Variants in SPO11 observed in about 807,000 individuals in gnomAD.
The protein encoded by SPO11 is meiotic recombination protein SPO11.
SPO11 carries 49 observed loss-of-function variants against 51.6 expected under a neutral mutation model. The ratio of observed to expected loss-of-function variants is 0.95; its 90% CI spans 0.75 to 1.20. The LOEUF (loss-of-function observed/expected upper bound fraction) is 1.20, where lower values mean the gene tolerates loss of function less well. SPO11 is among the 50% of genes most tolerant of loss of function. The pLI, the probability that SPO11 is intolerant of heterozygous loss-of-function variation, is 0.00. For missense variants in SPO11, 431 were observed against 473.4 expected, an observed-to-expected ratio of 0.91 and a Z score of 0.83; for synonymous variants, 176 against 158.2, an observed-to-expected ratio of 1.11 and a Z score of -0.84.
intron 12 of SPO11, 122 bp downstream of exon 12, chr20:57,342,962 G>A: frequency 1.4e-6 from 1 of 698,110 alleles, no homozygotes. Context: ...ACTAACATAA[G>A]TGTTGTTTGG....
At position 57,339,168 on chromosome 20, in the gene SPO11, G is replaced by C; in HGVS notation, c.882+142G>C. 1.3e-5 allele frequency: 6 copies of C among 477,040 alleles called. No homozygotes were observed. The South Asian group carries it at 2.0e-4, about 16-fold the overall frequency. The allele number at this position is 477,040 out of a possible 1,614,324, so 29.6% of individuals were successfully genotyped here. A position where few individuals can be genotyped will look rare whatever the true frequency, so the allele number is the denominator to read the frequency against. On this transcript the variant is annotated intron_variant, in intron 10 of 12. Transcript: ENST00000371263. The stretch of plus-strand genomic sequence containing the variant: ...GAGGGCCTAGTATCCTATTCTAGGA[G>C]CAATCTGTGTGTCGGTGGCTGTGAC...
chr20:57,339,984 A>C, intron 10 of SPO11, 118 bp from the exon 11 acceptor site: 1 of 687,768 alleles, frequency 1.5e-6, no homozygotes, highest in Non-Finnish European at 2.6e-6. Flanking sequence ...GGCTCTGGGC[A>C]TGTGAAGCCA....
In SPO11 at chr20:57,343,727, A is replaced by C. The variant is rs1241797973; in HGVS notation, c.*267A>C. ...AAGAATATGTTATTTTGACCTTTAA[A>C]TTATTTTTGAAAAAATAATATTTTA... On this transcript the variant is annotated 3_prime_UTR_variant, in exon 13 of 13. Transcript: ENST00000371263. 1 of 209,232 alleles carries C rather than the reference A, an allele frequency of 4.8e-6. No individual in the cohort carries two copies. The highest frequency in any genetic ancestry group is 5.9e-5 in the Admixed American group (1 of 16,930). The allele number at this position is 209,232 out of a possible 1,614,324, so 13.0% of individuals were successfully genotyped here. A position where few individuals can be genotyped will look rare whatever the true frequency, so the allele number is the denominator to read the frequency against.
intron 1 of SPO11, 68 bp downstream of exon 1, chr20:57,330,066 C>A: frequency 6.7e-7 from 1 of 1,489,330 alleles, no homozygotes; most frequent in South Asian, 1.3e-5. Context: ...TTCCTGGCCC[C>A]GGGCTGCCTC....
rs780462735 is a variant in SPO11, at chr20:57,342,705, T to C, written c.960-24T>C. The C allele has an allele frequency of 4.0e-6, 6 of 1,498,870 alleles. No individual in the cohort carries two copies. In the Admixed American group the frequency reaches 1.0e-4, roughly 26 times the overall value. 92.8% of individuals were successfully genotyped at this position (1,498,870 alleles called of 1,614,324 possible). ...AGTTACAGAAACACTTTTTTACTGA[T>C]TTTTTTCACCTACTTTTTTCCAGAT... is the stretch of plus-strand genomic sequence containing the variant. On this transcript the variant is annotated intron_variant, in intron 11 of 12. Coordinates refer to ENST00000371263, the MANE Select transcript of SPO11 (RefSeq NM_012444.3).
rs2146072222 is a variant in SPO11 at position 57,329,890 on chromosome 20, C to T, written c.23C>T (p.Pro8Leu). The change falls in exon 1 of 13, where the codon CCC becomes CTC. Residue 8 changes from proline (P) to leucine (L), a missense_variant. Around this residue, in one of 3 missense-constraint regions of SPO11, gnomAD observed 405 missense variants for 425.9 expected, o/e 0.95. Coordinates refer to ENST00000371263, the MANE Select transcript of SPO11 (RefSeq NM_012444.3). MAFAPMG[P>L]EASFFDVLDR... Reference sequence around the variant, plus strand: ...CTCATGGCCTTTGCACCTATGGGGCCCGAGGCCTCGTTCTTCGACGTTTTG... The same window carrying T: ...CTCATGGCCTTTGCACCTATGGGGCTCGAGGCCTCGTTCTTCGACGTTTTG... 6.2e-7 allele frequency: 1 copy of T among 1,613,814 alleles called. No individual in the cohort carries two copies. The highest frequency in any genetic ancestry group is 8.5e-7 in the Non-Finnish European group (1 of 1,179,864).
chr20:57,337,521 G>C (rs1451797001), intron 8 of SPO11, among the ~76,000 whole-genome samples: 1 of 152,204 alleles, frequency 6.6e-6, no homozygotes, highest in African/African-American at 2.4e-5. Context: ...GATCACCGCT[G>C]TACTATGCTG....
chr20:57,330,204 C>T (rs1420603447), intron 1 of SPO11, among the ~76,000 whole-genome samples: 1 of 152,150 alleles, frequency 6.6e-6, no homozygotes, highest in Non-Finnish European at 1.5e-5. Flanking sequence ...CAGGTGGCAG[C>T]CCCCCTTCTG....
rs1305471541 is a variant in SPO11, at chr20:57,343,207, G to T, written c.1072-134G>T. On this transcript the variant is annotated intron_variant, in intron 12 of 12. Coordinates refer to ENST00000371263, the MANE Select transcript of SPO11 (RefSeq NM_012444.3). ...GATATTTTTAGCTGTAGCAGCTCTG[G>T]AATATTCTGGCTGACCCTTAAGACT... 4 of 981,036 alleles carry T rather than the reference G, an allele frequency of 4.1e-6. No homozygotes were observed. In the African/African-American group the frequency reaches 6.8e-5, roughly 17 times the overall value. The allele number at this position is 981,036 out of a possible 1,614,324, so 60.8% of individuals were successfully genotyped here.
rs2066492830 is a variant in SPO11, at chr20:57,334,840, A to G, written c.597+4A>G. 1 of 1,612,444 alleles carries G rather than the reference A, an allele frequency of 6.2e-7. No individual in the cohort carries two copies. The highest frequency in any genetic ancestry group is 8.5e-7 in the Non-Finnish European group (1 of 1,178,940). On this transcript the variant is annotated splice_donor_region_variant and intron_variant, in intron 6 of 12. Transcript: ENST00000371263. ...GAATTGTACCTGTGGTGCAACGGTA[A>G]GAAGCATCATTGAAGTTTTCACAGC...
At chr20:57,331,502 TATG>T (rs983160638) in intron 1 of SPO11, among the ~76,000 whole-genome samples, 20 of 152,378 alleles carry the variant, frequency 1.3e-4, no homozygotes, top group African/African-American at 4.8e-4. Context: ...AGTAGGTTAA[TATG>T]ATAAAATTAC....
At chr20:57,343,102 T>G (rs978478064) in intron 12 of SPO11, among the ~76,000 whole-genome samples, 1 of 152,088 alleles carries the variant, frequency 6.6e-6, no homozygotes, top group African/African-American at 2.4e-5. Flanking sequence ...TTTGTGGGAT[T>G]AAAAAAAGGA....
Position 57,335,863 on chromosome 20 carries a change from G to C in SPO11, c.700G>C (p.Asp234His). The C allele has an allele frequency of 6.2e-7, 1 of 1,613,212 alleles. No individual in the cohort carries two copies. The highest frequency in any genetic ancestry group is 1.1e-5 in the South Asian group (1 of 90,888). The change falls in exon 8 of 13, where the codon GAT becomes CAT. Residue 234 changes from aspartate (D) to histidine (H), a missense_variant. Physicochemically the swap from Asp to His is moderately conservative, Grantham distance 81. This residue lies in a region of SPO11 where 405 missense variants were observed against 425.9 expected (regional missense o/e 0.95). Coordinates refer to ENST00000371263, the MANE Select transcript of SPO11 (RefSeq NM_012444.3). ...AGATGCAACATTTCAGCGGCTCCTAGATGACAACTTTTGCAACAAATTGTC... is the reference window on the plus strand; with the variant it reads ...AGATGCAACATTTCAGCGGCTCCTACATGACAACTTTTGCAACAAATTGTC... ...EKDATFQRLL[D>H]DNFCNKLSPC... is the part of the protein sequence containing the mutation.
rs543130491 is a variant in SPO11, at chr20:57,330,884, C to T, written c.131+886C>T. On this transcript the variant is annotated intron_variant, in intron 1 of 12. Coordinates refer to ENST00000371263, the MANE Select transcript of SPO11 (RefSeq NM_012444.3). The stretch of plus-strand genomic sequence containing the variant: ...TCTGATTGTATCTTAAAGTTGGTTA[C>T]AGTATTATCCTGCAACACTTTTTTT... Among the ~76,000 whole-genome samples the T allele has an allele frequency of 1.8e-4, 28 of 152,238 alleles. No individual in the cohort carries two copies. The East Asian group carries it at 5.2e-3, about 28-fold the overall frequency.
chr20:57,333,941 A>T, intron 4 of SPO11, 46 bp from the exon 5 acceptor site: 1 of 1,178,508 alleles, frequency 8.5e-7, no homozygotes, highest in Non-Finnish European at 1.2e-6. Flanking sequence ...TGTCATATTC[A>T]AAAAGAATAT....
At chr20:57,336,818 T>C (rs556655034) in intron 8 of SPO11, among the ~76,000 whole-genome samples, 2 of 152,318 alleles carry the variant, frequency 1.3e-5, no homozygotes, top group South Asian at 2.1e-4. Context: ...GCACTTGACA[T>C]AGTAAGAGTT....
intron 8 of SPO11, among the ~76,000 whole-genome samples, chr20:57,336,415 C>T (rs964044663): frequency 1.3e-5 from 2 of 152,146 alleles, no homozygotes; most frequent in Non-Finnish European, 2.9e-5. Flanking sequence ...ACAAGACAAC[C>T]ACCTGGTAGC....
chr20:57,340,659 G>A (rs939334850), intron 11 of SPO11, among the ~76,000 whole-genome samples: 1 of 151,932 alleles, frequency 6.6e-6, no homozygotes, highest in East Asian at 1.9e-4. Flanking sequence ...CCCAGCTACC[G>A]GGAAGGCTGA....
At chr20:57,338,476 C>A in intron 9 of SPO11, 101 bp downstream of exon 9, 1 of 843,982 alleles carries the variant, frequency 1.2e-6, no homozygotes, top group Non-Finnish European at 1.8e-6. Flanking sequence ...GAGATTGAGT[C>A]CTGCTCTGTC....
Sources: gnomAD v4.1 joint callset for allele counts (sites outside exome capture counted in the v4.1 genomes callset) on GRCh38, gnomAD v4.1.1 for gene constraint, gnomAD v4.1.1 regional missense constraint, MANE v1.5 for transcripts, NCBI Gene and HGNC (gene_info 2026-07-23, HGNC 2026-07-21) for gene names.